Variants in PCDH9 observed in about 807,000 individuals in gnomAD.
PCDH9 encodes the protein protocadherin-9.
Under a neutral mutation model 70.6 loss-of-function variants are expected in PCDH9, and 24 were observed. The ratio of observed to expected loss-of-function variants is 0.34; its 90% CI spans 0.25 to 0.48. PCDH9 has a LOEUF of 0.48. Among genes scored for constraint, PCDH9 ranks in the 20% least tolerant of loss-of-function variants. The pLI is 0.99. For missense variants in PCDH9, 1,281 were observed against 1,503.6 expected, an observed-to-expected ratio of 0.85 and a Z score of 2.45; for synonymous variants, 562 against 558.5, an observed-to-expected ratio of 1.01 and a Z score of -0.09.
At chr13:67,141,327 C>A (rs2087381363) in intron 2 of PCDH9, among the ~76,000 whole-genome samples, 1 of 152,072 alleles carries the variant, frequency 6.6e-6, no homozygotes, top group Admixed American at 6.5e-5. Context: ...GTGGCTCATG[C>A]CTATAATCCC....
At chr13:66,325,789 A>T (rs1443263136) in intron 4 of PCDH9, among the ~76,000 whole-genome samples, 1 of 150,948 alleles carries the variant, frequency 6.6e-6, no homozygotes, top group African/African-American at 2.5e-5. Flanking sequence ...AGTGAATACA[A>T]GTACTTTCAA....
chr13:66,960,640 C>A (rs1319152189), intron 2 of PCDH9, among the ~76,000 whole-genome samples: 5 of 152,074 alleles, frequency 3.3e-5, no homozygotes, highest in Non-Finnish European at 7.4e-5. Flanking sequence ...AATATTTTAG[C>A]CATTGATGTT....
chr13:66,847,787 G>C (rs1420840359), intron 3 of PCDH9, among the ~76,000 whole-genome samples: 1 of 152,160 alleles, frequency 6.6e-6, no homozygotes, highest in Non-Finnish European at 1.5e-5. Context: ...GCAGCATATA[G>C]AGCCCAGAGA....
At chr13:66,480,661 C>T (rs1252882468) in intron 4 of PCDH9, among the ~76,000 whole-genome samples, 2 of 152,160 alleles carry the variant, frequency 1.3e-5, no homozygotes, top group African/African-American at 4.8e-5. Flanking sequence ...CAGGAAACAA[C>T]AGATGCTGGA....
At chr13:67,181,412 C>T (rs2088612331) in intron 2 of PCDH9, among the ~76,000 whole-genome samples, 1 of 152,024 alleles carries the variant, frequency 6.6e-6, no homozygotes, top group Admixed American at 6.6e-5. Flanking sequence ...ACAGGAGGTT[C>T]AGGAGAGAGA....
chr13:66,653,745 A>T (rs952567714), intron 3 of PCDH9, among the ~76,000 whole-genome samples: 2 of 152,058 alleles, frequency 1.3e-5, no homozygotes, highest in African/African-American at 4.8e-5. Flanking sequence ...AGGTTGGCGG[A>T]TCATGAGGTC....
chr13:66,981,282 CAA>C (rs2083761291), intron 2 of PCDH9, among the ~76,000 whole-genome samples: 1 of 151,732 alleles, frequency 6.6e-6, no homozygotes, highest in Non-Finnish European at 1.5e-5. Context: ...ACTAAAAATA[CAA>C]AAAGTTAGCC....
At chr13:66,977,250 A>C (rs537537702) in intron 2 of PCDH9, among the ~76,000 whole-genome samples, 31 of 152,224 alleles carry the variant, frequency 2.0e-4, no homozygotes, top group African/African-American at 6.7e-4. Context: ...TTTCAAAGGA[A>C]GAAGAAAAAT....
Position 67,088,401 on chromosome 13 carries a change from C to T in PCDH9, c.3036+137004G>A, listed in dbSNP as rs541546328. On this transcript the variant is annotated intron_variant, in intron 2 of 4. Transcript: ENST00000377865. The stretch of plus-strand genomic sequence containing the variant: ...TCTACTATGTGCCACTGATACATCT[C>T]GCATAGAGAATTCATTAGGGACAAA... Among the ~76,000 whole-genome samples the T allele has an allele frequency of 3.9e-5, 6 of 152,094 alleles. No homozygotes were observed. The East Asian group carries it at 5.8e-4, about 15-fold the overall frequency.
intron 4 of PCDH9, among the ~76,000 whole-genome samples, chr13:66,440,294 G>A (rs9529066): frequency 0.39 from 59,772 of 151,804 alleles, 12,446 homozygotes; most frequent in South Asian, 0.53. Context: ...ATCCATGCAG[G>A]CCAATTTTGA....
At chr13:66,788,093 T>C (rs2080107514) in intron 3 of PCDH9, among the ~76,000 whole-genome samples, 1 of 152,158 alleles carries the variant, frequency 6.6e-6, no homozygotes, top group Non-Finnish European at 1.5e-5. Flanking sequence ...ACAAATACCT[T>C]GGGTTAGATA....
chr13:67,141,340 C>A (rs931680611), intron 2 of PCDH9, among the ~76,000 whole-genome samples: 1 of 152,076 alleles, frequency 6.6e-6, no homozygotes, highest in Non-Finnish European at 1.5e-5. Flanking sequence ...ATAATCCCAG[C>A]ATTTTGGGAG....
intron 2 of PCDH9, among the ~76,000 whole-genome samples, chr13:67,082,412 G>A (rs1341975031): frequency 1.3e-5 from 2 of 152,156 alleles, no homozygotes; most frequent in African/African-American, 4.8e-5. Context: ...GTAACAAACA[G>A]CAGGATTTCC....
chr13:67,107,984 C>T (rs553108384), intron 2 of PCDH9, among the ~76,000 whole-genome samples: 1 of 152,280 alleles, frequency 6.6e-6, no homozygotes, highest in South Asian at 2.1e-4. Flanking sequence ...TACATCTGGT[C>T]CAGCCACAGC....
At chr13:66,696,450 T>C (rs948044596) in intron 3 of PCDH9, among the ~76,000 whole-genome samples, 1 of 152,186 alleles carries the variant, frequency 6.6e-6, no homozygotes, top group Non-Finnish European at 1.5e-5. Context: ...TTTCCATATT[T>C]ATAACAATGT....
At chr13:66,501,687 A>G (rs967720436) in intron 4 of PCDH9, among the ~76,000 whole-genome samples, 2 of 152,132 alleles carry the variant, frequency 1.3e-5, no homozygotes, top group African/African-American at 4.8e-5. Flanking sequence ...TAAGATAATG[A>G]GATATCAAGT....
intron 2 of PCDH9, among the ~76,000 whole-genome samples, chr13:67,133,640 G>T (rs2087161415): frequency 6.6e-6 from 1 of 152,076 alleles, no homozygotes; most frequent in South Asian, 2.1e-4. Flanking sequence ...TAAAAGATTT[G>T]CCTAAGAGGA....
At chr13:67,193,781 T>C (rs2088984704) in intron 2 of PCDH9, among the ~76,000 whole-genome samples, 1 of 152,040 alleles carries the variant, frequency 6.6e-6, no homozygotes, top group Non-Finnish European at 1.5e-5. Flanking sequence ...TTAATTTTTC[T>C]ATTTGAAAGT....
intron 3 of PCDH9, among the ~76,000 whole-genome samples, chr13:66,818,670 C>T (rs1425460595): frequency 1.3e-5 from 2 of 152,184 alleles, no homozygotes; most frequent in African/African-American, 2.4e-5. Context: ...CGGTGGCTCA[C>T]GCCTGTAGTC....
Sources: gnomAD v4.1 joint callset for allele counts (sites outside exome capture counted in the v4.1 genomes callset) on GRCh38, gnomAD v4.1.1 for gene constraint, MANE v1.5 for transcripts, NCBI Gene and HGNC (gene_info 2026-07-23, HGNC 2026-07-21) for gene names.